Variants in TCF4 observed in about 807,000 individuals in gnomAD.
TCF4 encodes transcription factor 4, also known as SL3-3 enhancer factor 2.
Under a neutral mutation model 82.1 loss-of-function variants are expected in TCF4, and 3 were observed. That is an observed-to-expected ratio of 0.04 (90% CI 0.02 to 0.09). TCF4 has a LOEUF of 0.09. Among genes scored for constraint, TCF4 ranks in the 10% least tolerant of loss-of-function variants. The pLI, the probability that TCF4 is intolerant of heterozygous loss-of-function variation, is 1.00. For missense variants in TCF4, 518 were observed against 852.7 expected, an observed-to-expected ratio of 0.61 and a Z score of 4.89; for synonymous variants, 276 against 309.6, an observed-to-expected ratio of 0.89 and a Z score of 1.14.
chr18:55,373,502 AG>A (rs1430654911), intron 6 of TCF4, among the ~76,000 whole-genome samples: 3 of 152,176 alleles, frequency 2.0e-5, no homozygotes, highest in African/African-American at 7.2e-5. Context: ...AAGTAATAAA[AG>A]GTTTAATATA....
At chr18:55,229,828 T>C (rs551779316) in intron 17 of TCF4, 6 of 152,422 alleles carry the variant, frequency 3.9e-5, no homozygotes, top group East Asian at 1.9e-4. Flanking sequence ...TGAACTGATA[T>C]CAGTCATGCA....
chr18:55,530,175 G>C (rs2097043710), intron 3 of TCF4, among the ~76,000 whole-genome samples: 1 of 152,158 alleles, frequency 6.6e-6, no homozygotes, highest in Non-Finnish European at 1.5e-5. Flanking sequence ...GGCAATTGTG[G>C]ATCTGTACAA....
rs1330271200 is a variant in TCF4 at position 55,461,086 on chromosome 18, G to C, written c.237C>G (p.His79Gln). 8 of 1,613,190 alleles carry C rather than the reference G, an allele frequency of 5.0e-6. No individual in the cohort carries two copies. The highest frequency in any genetic ancestry group is 1.3e-5 in the African/African-American group (1 of 74,904). Residue 79 changes from histidine to glutamine, a missense_variant, in exon 5 of 20, where the codon CAC becomes CAG. His to Gln is a conservative substitution (Grantham distance 24, BLOSUM62 0). Transcript: ENST00000354452. ...RNYGDGTPYD[H>Q]MTSRDLGSHD... ...GTGACCCAAGGTCCCTGCTGGTCAT[G>C]TGGTCATAGGGAGTCCCATCTCCAT...
At chr18:55,326,401 CAAAAAAAAAAAAAAA>C (rs59228811) in intron 8 of TCF4, among the ~76,000 whole-genome samples, 1 of 26,378 alleles carries the variant, frequency 3.8e-5, no homozygotes, top group Non-Finnish European at 7.3e-5. Flanking sequence ...AGAGCAGCAG[CAAAAAAAAAAAAAAA>C]AAAAAAAAAA....
chr18:55,542,369 T>C (rs1039047977), intron 3 of TCF4, among the ~76,000 whole-genome samples: 9 of 152,094 alleles, frequency 5.9e-5, no homozygotes, highest in African/African-American at 9.6e-5. Flanking sequence ...GTTGGAGTAA[T>C]AGAATCTCTG....
intron 2 of TCF4, among the ~76,000 whole-genome samples, chr18:55,611,144 T>G (rs2097706615): frequency 6.6e-6 from 1 of 152,206 alleles, no homozygotes; most frequent in African/African-American, 2.4e-5. Flanking sequence ...GCTCCAAATC[T>G]TGCTTTGGTA....
intron 8 of TCF4, among the ~76,000 whole-genome samples, chr18:55,307,403 C>T (rs1377177608): frequency 6.6e-6 from 1 of 152,182 alleles, no homozygotes; most frequent in African/African-American, 2.4e-5. Flanking sequence ...TCCAAGCCTG[C>T]ATGAAGAGCA....
chr18:55,252,181 A>C (rs1026105360), intron 15 of TCF4, among the ~76,000 whole-genome samples: 1 of 152,058 alleles, frequency 6.6e-6, no homozygotes, highest in Admixed American at 6.6e-5. Context: ...GGAAGAAAGG[A>C]GAGAGACTGC....
At chr18:55,349,920 A>G (rs2081982840) in intron 8 of TCF4, among the ~76,000 whole-genome samples, 1 of 152,142 alleles carries the variant, frequency 6.6e-6, no homozygotes, top group African/African-American at 2.4e-5. Flanking sequence ...TCTCCAGAAA[A>G]TAGAGACATT....
intron 8 of TCF4, among the ~76,000 whole-genome samples, chr18:55,317,945 G>C (rs1356658703): frequency 6.6e-6 from 1 of 151,994 alleles, no homozygotes; most frequent in Non-Finnish European, 1.5e-5. Flanking sequence ...TTTACTTTCC[G>C]AGATTTGATG....
At chr18:55,494,842 T>C (rs1248806705) in intron 3 of TCF4, among the ~76,000 whole-genome samples, 1 of 152,090 alleles carries the variant, frequency 6.6e-6, no homozygotes, top group African/African-American at 2.4e-5. Flanking sequence ...ATAAACTATT[T>C]TGTTATTTTA....
chr18:55,472,409 T>C (rs2096203804), intron 3 of TCF4, among the ~76,000 whole-genome samples: 1 of 152,212 alleles, frequency 6.6e-6, no homozygotes, highest in Non-Finnish European at 1.5e-5. Context: ...AATTATACCC[T>C]AGCTTGAATA....
chr18:55,427,865 A>G (rs2095050062), intron 5 of TCF4, among the ~76,000 whole-genome samples: 2 of 152,254 alleles, frequency 1.3e-5, no homozygotes, highest in Admixed American at 1.3e-4. Flanking sequence ...GTTCATCATG[A>G]GAACCAATGA....
intron 5 of TCF4, among the ~76,000 whole-genome samples, chr18:55,407,398 G>T (rs931470415): frequency 3.3e-5 from 5 of 152,080 alleles, no homozygotes; most frequent in African/African-American, 4.8e-5. Flanking sequence ...CACAACATCC[G>T]TCAATCAATC....
chr18:55,231,030 A>C (rs2047776396), intron 17 of TCF4: 1 of 152,254 alleles, frequency 6.6e-6, no homozygotes, highest in Admixed American at 6.5e-5. Flanking sequence ...GTGTATGGTA[A>C]ACATGGAAGT....
intron 2 of TCF4, among the ~76,000 whole-genome samples, chr18:55,613,466 A>G (rs2097709059): frequency 6.6e-6 from 1 of 152,170 alleles, no homozygotes. Context: ...TCCATAGTCC[A>G]TTCCTTTTTA....
rs1233697443 is a variant in TCF4, at chr18:55,619,977, C to A, written c.286+11321G>T. ...TAATCCCCACGTGCCAAGGGAGAGA[C>A]CAGGTGAAAGCAATTGAACTGTGGG... On this transcript the variant is annotated intron_variant, in intron 2 of 20. Transcript: ENST00000398339. Among the ~76,000 whole-genome samples the A allele has an allele frequency of 2.0e-5, 3 of 152,228 alleles. No individual in the cohort carries two copies. In the East Asian group the frequency reaches 5.8e-4, roughly 29 times the overall value.
intron 3 of TCF4, chr18:55,479,144 G>A (rs150184691): frequency 5.3e-5 from 8 of 152,206 alleles, no homozygotes; most frequent in Non-Finnish European, 1.2e-4. Flanking sequence ...TCCATCTTCT[G>A]ATTTCCTTTA....
chr18:55,475,439 G>C (rs1407277130), intron 3 of TCF4, among the ~76,000 whole-genome samples: 2 of 152,080 alleles, frequency 1.3e-5, no homozygotes, highest in East Asian at 1.9e-4. Flanking sequence ...TGCCAATTTT[G>C]ATCACCTGGT....
Sources: gnomAD v4.1 joint callset for allele counts (sites outside exome capture counted in the v4.1 genomes callset) on GRCh38, gnomAD v4.1.1 for gene constraint, MANE v1.5 for transcripts, NCBI Gene and HGNC (gene_info 2026-07-23, HGNC 2026-07-21) for gene names.